The following TAF1C variants were observed in gnomAD, a reference collection of about 807,000 sequenced individuals.
TAF1C encodes the protein TATA box-binding protein-associated factor RNA polymerase I subunit C.
In TAF1C, 79 loss-of-function variants were observed where a neutral mutation model predicts 70.5. The ratio of observed to expected loss-of-function variants is 1.12; its 90% CI spans 0.93 to 1.35. The LOEUF is 1.35. Ranked by LOEUF, TAF1C falls within the 40% of genes most tolerant of loss-of-function variation. TAF1C has a pLI of 0.00. For missense variants in TAF1C, 1,412 were observed against 1,127.8 expected, an observed-to-expected ratio of 1.25 and a Z score of -3.61; for synonymous variants, 614 against 491.1, an observed-to-expected ratio of 1.25 and a Z score of -3.31.
chr16:84,178,051 A>C lies in TAF1C; in HGVS notation c.*890T>G. Reference sequence around the variant, plus strand: ...CCAGACAGACCCGGGTCCCTGCAAAATCTCAAGTGAGCATTTTCCCCACAG... The same window carrying C: ...CCAGACAGACCCGGGTCCCTGCAAACTCTCAAGTGAGCATTTTCCCCACAG... On this transcript the variant is annotated 3_prime_UTR_variant, in exon 15 of 15. Coordinates refer to ENST00000566732, the MANE Select transcript of TAF1C (RefSeq NM_001243156.2). The C allele has an allele frequency of 1.5e-5, 8 of 543,162 alleles. No homozygotes were observed. The highest frequency in any genetic ancestry group is 7.0e-5 in the East Asian group (2 of 28,448). 33.6% of individuals were successfully genotyped at this position (543,162 alleles called of 1,614,324 possible). A position where few individuals can be genotyped will look rare whatever the true frequency, so the allele number is the denominator to read the frequency against.
Position 84,180,248 on chromosome 16 carries a change from G to A in TAF1C, c.1405C>T (p.Pro469Ser), listed in dbSNP as rs757425655. ...PSPLLLARLL[P>S]PPRPSCVQPL... Reference sequence around the variant, plus strand: ...TGCACGCAGCTGGGCCGGGGCGGAGGCAGCAGTCGGGCCAGCAGGAGCGGG... The same window carrying A: ...TGCACGCAGCTGGGCCGGGGCGGAGACAGCAGTCGGGCCAGCAGGAGCGGG... The change falls in exon 13 of 15, where the codon CCT (proline) becomes TCT (serine). Residue 469 changes from proline (P) to serine (S), a missense_variant. Physicochemically the swap from Pro to Ser is moderately conservative, Grantham distance 74. Coordinates refer to ENST00000566732, the MANE Select transcript of TAF1C (RefSeq NM_001243156.2). The A allele has an allele frequency of 4.5e-6, 7 of 1,541,264 alleles. No individual in the cohort carries two copies. The South Asian group carries it at 8.4e-5, about 18-fold the overall frequency.
Position 84,182,024 on chromosome 16 carries a change from A to G in TAF1C, c.756T>C (p.Asn252=). Residue 252 remains asparagine, a synonymous_variant, in exon 8 of 15, where the codon AAT becomes AAC. Coordinates refer to ENST00000566732, the MANE Select transcript of TAF1C (RefSeq NM_001243156.2). This position sits in a 1 kb window ranked among gnomAD's most constrained non-coding sequence, Gnocchi z 5.0. The part of the protein sequence containing the change: ...FQEVVLTPGD[N]PQFLGKPGRI... ...GTCCAGGTTTCCCAAGGAATTGGGG[A>G]TTGTCACCTGGGGTCAGAACGACCT... is the stretch of plus-strand genomic sequence containing the variant. 6.2e-7 allele frequency: 1 copy of G among 1,613,364 alleles called. No individual in the cohort carries two copies. Among genetic ancestry groups the G allele is most frequent in the Non-Finnish European group, 8.5e-7 (1 of 1,179,990 alleles).
At position 84,183,738 on chromosome 16, in the gene TAF1C, G is replaced by A. The variant is rs768653395; in HGVS notation, c.179C>T (p.Pro60Leu). The change falls in exon 3 of 15, where the codon CCG becomes CTG. Residue 60 changes from proline to leucine, a missense_variant. Coordinates refer to ENST00000566732, the MANE Select transcript of TAF1C (RefSeq NM_001243156.2). ...LHVTKDLLWE[P>L]ATPGPLPMLP... ...CATGGGGAGAGGCCCAGGGGTTGCC[G>A]GCTCCCACAGCAGGTCCTTGGTCAC... The A allele has an allele frequency of 3.1e-5, 50 of 1,613,070 alleles. No homozygotes were observed. The East Asian group carries it at 3.3e-4, about 11-fold the overall frequency.
At position 84,181,830 on chromosome 16, in the gene TAF1C, G is replaced by A; in HGVS notation, c.872C>T (p.Ala291Val). ...CCACTGTTTACCAAACTTCCACACG[G>A]CACAGTGGTAGTCAGAGCGGACGGC... ...LLAVRSDYHC[A>V]VWKFGKQWQP... is the part of the protein sequence containing the mutation. The change falls in exon 9 of 15, where the codon GCC becomes GTC. Residue 291 changes from alanine (A) to valine (V), a missense_variant. Coordinates refer to ENST00000566732, the MANE Select transcript of TAF1C (RefSeq NM_001243156.2). The A allele has an allele frequency of 6.2e-7, 1 of 1,614,174 alleles. No homozygotes were observed. The highest frequency in any genetic ancestry group is 8.5e-7 in the Non-Finnish European group (1 of 1,180,028).
chr16:84,183,244 C>A lies in TAF1C; in HGVS notation c.408G>T (p.Gly136=). 1 of 1,614,040 alleles carries A rather than the reference C, an allele frequency of 6.2e-7. No homozygotes were observed. The change falls in exon 5 of 15, where the codon GGG becomes GGT. Residue 136 remains glycine, a splice_region_variant and synonymous_variant. Transcript: ENST00000566732. ...MLENFKLEGA[G]SRTKKKTVVS... ...ACCCCTGGAGTCACGGGCCACTCAC[C>A]CCCGCTCCCTCCAGCTTGAAATTCT...
Position 84,184,876 on chromosome 16 carries a change from G to A in TAF1C, c.113C>T (p.Pro38Leu). The A allele has an allele frequency of 6.2e-7, 1 of 1,609,464 alleles. No individual in the cohort carries two copies. The change falls in exon 2 of 15, where the codon CCA (proline) becomes CTA (leucine). Residue 38 changes from proline (P) to leucine (L), a missense_variant. Pro to Leu is a moderately conservative substitution (Grantham distance 98). Coordinates refer to ENST00000566732, the MANE Select transcript of TAF1C (RefSeq NM_001243156.2). ...MCSWRDALTL[P>L]EAQPQNSENG... Reference sequence around the variant, plus strand: ...CTCTGAGTTCTGGGGCTGGGCCTCTGGCAGAGTCAGTGCGTCTCGCCAGCT... The same window carrying A: ...CTCTGAGTTCTGGGGCTGGGCCTCTAGCAGAGTCAGTGCGTCTCGCCAGCT...
intron 1 of TAF1C, among the ~76,000 whole-genome samples, chr16:84,186,500 C>T (rs1373468625): frequency 6.6e-6 from 1 of 152,174 alleles, no homozygotes; most frequent in African/African-American, 2.4e-5. Context: ...TTGCAGTGAG[C>T]CAAGATCATG....
Position 84,181,418 on chromosome 16 carries a change from G to T in TAF1C, c.1074C>A (p.Asp358Glu), listed in dbSNP as rs374984421. The change falls in exon 11 of 15, where the codon GAC becomes GAA. Residue 358 changes from aspartate (D) to glutamate (E), a missense_variant. By Grantham distance (45) the Asp-to-Glu change is conservative. Transcript: ENST00000566732. ...YRDPETLVFR[D>E]SSSWRWADFT... is the part of the protein sequence containing the mutation. ...AGTCTGCCCAACGCCACGAAGAGGA[G>T]TCCCGGAACACGAGGGTCTCAGGGT... 1.9e-6 allele frequency: 3 copies of T among 1,613,802 alleles called. No individual in the cohort carries two copies. In the East Asian group the frequency reaches 6.7e-5, roughly 36 times the overall value.
chr16:84,182,329 C>G lies in TAF1C; in HGVS notation c.594G>C (p.Leu198=). The G allele has an allele frequency of 6.2e-7, 1 of 1,612,726 alleles. No homozygotes were observed. Among genetic ancestry groups the G allele is most frequent in the Non-Finnish European group, 8.5e-7 (1 of 1,179,866 alleles). Residue 198 remains leucine (L), a synonymous_variant, in exon 7 of 15, where the codon CTG becomes CTC. Transcript: ENST00000566732. This position sits in a 1 kb window ranked among gnomAD's most constrained non-coding sequence, Gnocchi z 5.0. ...SHLAELLHEE[L]VLRWEQLLLD... ...GAAGCAGCTGCTCCCACCGCAGCACCAGCTCCTCGTGCAGCAGCTCTGCCA... is the reference window on the plus strand; with the variant it reads ...GAAGCAGCTGCTCCCACCGCAGCACGAGCTCCTCGTGCAGCAGCTCTGCCA...
chr16:84,182,131 G>T lies in TAF1C; in HGVS notation c.721+71C>A. On this transcript the variant is annotated intron_variant, in intron 7 of 14. Transcript: ENST00000566732. This position sits in a 1 kb window ranked among gnomAD's most constrained non-coding sequence, Gnocchi z 5.0. Reference sequence around the variant, plus strand: ...CCCCCCAAATTCCTGCCCTTCTCTGGACCATGCCAAGAGCACCTCCTCTAC... The same window carrying T: ...CCCCCCAAATTCCTGCCCTTCTCTGTACCATGCCAAGAGCACCTCCTCTAC... The T allele has an allele frequency of 6.3e-7, 1 of 1,591,344 alleles. No homozygotes were observed. Among genetic ancestry groups the T allele is most frequent in the South Asian group, 1.1e-5 (1 of 87,532 alleles).
chr16:84,179,052 G>T lies in TAF1C; in HGVS notation c.2421C>A (p.Thr807=), dbSNP rs779520934. 2 of 1,610,986 alleles carry T rather than the reference G, an allele frequency of 1.2e-6. No homozygotes were observed. The highest frequency in any genetic ancestry group is 3.3e-5 in the Admixed American group (2 of 59,960). ...TGGAGGCCTGGGAGTGGGGAGGTGT[G>T]GTGGCACAGCCTGGGGTGTCCCTCT... ...PPQRDTPGCA[T]TPPHSQASSV... Residue 807 remains threonine, a synonymous_variant, in exon 15 of 15, where the codon ACC becomes ACA. Coordinates refer to ENST00000566732, the MANE Select transcript of TAF1C (RefSeq NM_001243156.2).
Position 84,187,023 on chromosome 16 carries a change from C to A in TAF1C, c.-195G>T, listed in dbSNP as rs758144397. On this transcript the variant is annotated 5_prime_UTR_variant, in exon 1 of 15. Coordinates refer to ENST00000566732, the MANE Select transcript of TAF1C (RefSeq NM_001243156.2). ...CTTTGGCACTCGGGACGGGTCAGCC[C>A]CGCCGCAGCTACCCACGGTCTTCCG... 1 of 152,192 alleles carries A rather than the reference C, an allele frequency of 6.6e-6. No homozygotes were observed. Among genetic ancestry groups the A allele is most frequent in the Non-Finnish European group, 1.5e-5 (1 of 68,036 alleles). The allele number at this position is 152,192 out of a possible 1,614,324, so 9.4% of individuals were successfully genotyped here.
chr16:84,177,934 G>T lies in TAF1C; in HGVS notation c.*1007C>A. ...TTAACACCCACGCGAGTCAGTGTAT[G>T]ATTGGGCTAGCTCCTGTTTGTGTGA... On this transcript the variant is annotated 3_prime_UTR_variant, in exon 15 of 15. Coordinates refer to ENST00000566732, the MANE Select transcript of TAF1C (RefSeq NM_001243156.2). The T allele has an allele frequency of 3.8e-6, 4 of 1,054,328 alleles. No individual in the cohort carries two copies. Among genetic ancestry groups the T allele is most frequent in the South Asian group, 2.6e-5 (2 of 77,108 alleles). The allele number at this position is 1,054,328 out of a possible 1,614,324, so 65.3% of individuals were successfully genotyped here. A position where few individuals can be genotyped will look rare whatever the true frequency, so the allele number is the denominator to read the frequency against.
chr16:84,185,736 A>G (rs1306504174), intron 1 of TAF1C, among the ~76,000 whole-genome samples: 2 of 152,170 alleles, frequency 1.3e-5, no homozygotes, highest in African/African-American at 4.8e-5. Flanking sequence ...CCCGGTCTCT[A>G]CTAAAAATAC....
intron 12 of TAF1C, chr16:84,180,638 A>ACCCCCACTC (rs1357197852): frequency 3.2e-6 from 2 of 626,428 alleles, no homozygotes; most frequent in Admixed American, 7.8e-5. Flanking sequence ...TCTCGCAGCC[A>ACCCCCACTC]CCCCCACTCT....
Position 84,177,915 on chromosome 16 carries a change from C to A in TAF1C, c.*1026G>T. 1 of 1,254,168 alleles carries A rather than the reference C, an allele frequency of 8.0e-7. No homozygotes were observed. Among genetic ancestry groups the A allele is most frequent in the Non-Finnish European group, 1.2e-6 (1 of 858,508 alleles). The allele number at this position is 1,254,168 out of a possible 1,614,324, so 77.7% of individuals were successfully genotyped here. ...CTTAGGCATGATAAACATTTTAACA[C>A]CCACGCGAGTCAGTGTATGATTGGG... On this transcript the variant is annotated 3_prime_UTR_variant, in exon 15 of 15. Transcript: ENST00000566732.
chr16:84,179,814 G>A lies in TAF1C; in HGVS notation c.1659C>T (p.Pro553=). The change falls in exon 15 of 15, where the codon CCC becomes CCT. Residue 553 remains proline (P), a synonymous_variant. Transcript: ENST00000566732. ...AAVVPPLPSA[P]TPGLVLFQLS... is the part of the protein sequence containing the mutation. ...GCTGGAAGAGCACCAGGCCTGGTGT[G>A]GGCGCTGAGGGCAAGGGCGGGACGA... 6.2e-7 allele frequency: 1 copy of A among 1,609,430 alleles called. No homozygotes were observed. Among genetic ancestry groups the A allele is most frequent in the Admixed American group, 1.7e-5 (1 of 59,666 alleles).
rs370093677 is a variant in TAF1C, at chr16:84,184,932, C to G, written c.57G>C (p.Leu19=). The G allele has an allele frequency of 1.2e-6, 2 of 1,613,726 alleles. No individual in the cohort carries two copies. The highest frequency in any genetic ancestry group is 1.7e-6 in the Non-Finnish European group (2 of 1,179,918). ...PALFLTGPLG[L]SDVPDLSFMC... ...TGAAAGAGAGGTCAGGGACGTCGCT[C>G]AGACCAAGGGGGCCGGTCAGAAACA... The change falls in exon 2 of 15, where the codon CTG becomes CTC. Residue 19 remains leucine, a synonymous_variant. Coordinates refer to ENST00000566732, the MANE Select transcript of TAF1C (RefSeq NM_001243156.2).
rs1253329826 is a variant in TAF1C, at chr16:84,181,075, G to A, written c.1276C>T (p.Leu426Phe). 15 of 1,612,008 alleles carry A rather than the reference G, an allele frequency of 9.3e-6. No individual in the cohort carries two copies. The South Asian group carries it at 1.5e-4, about 17-fold the overall frequency. Reference sequence around the variant, plus strand: ...CAGACGAGATGAAGAGTAGGGGGGAGGCATTTGGGGCTGGAGTGCCCCAGG... The same window carrying A: ...CAGACGAGATGAAGAGTAGGGGGGAAGCATTTGGGGCTGGAGTGCCCCAGG... Reference protein sequence around the residue: ...QYLGHSSPKCLPPTLHLVCTQ... With the variant: ...QYLGHSSPKCFPPTLHLVCTQ... Residue 426 changes from leucine to phenylalanine, a missense_variant, in exon 12 of 15, where the codon CTC (leucine) becomes TTC (phenylalanine). By Grantham distance (22) the Leu-to-Phe change is conservative. Transcript: ENST00000566732.
Sources: allele counts gnomAD v4.1 joint callset (sites outside exome capture counted in the v4.1 genomes callset), GRCh38; gene constraint gnomAD v4.1.1; non-coding constraint Gnocchi (gnomAD v3.1); transcripts MANE v1.5; gene names NCBI Gene and HGNC (gene_info 2026-07-23, HGNC 2026-07-21).